The following GTF3C1 variants were observed in gnomAD, a reference collection of about 807,000 sequenced individuals.
GTF3C1 encodes the protein general transcription factor IIIC subunit 1, also known as general transcription factor 3C polypeptide 1.
A neutral mutation model predicts 226.7 loss-of-function variants in GTF3C1; 57 were observed. That is an observed-to-expected ratio of 0.25 (90% CI 0.20 to 0.31). The LOEUF is 0.31. Among genes scored for constraint, GTF3C1 ranks in the 10% least tolerant of loss-of-function variants. The probability of loss-of-function intolerance (pLI) is 1.00; values close to 1 mark genes in which losing one functional copy is unlikely to be tolerated. For missense variants in GTF3C1, 2,217 were observed against 2,776.1 expected, an observed-to-expected ratio of 0.80 and a Z score of 4.53; for synonymous variants, 1,090 against 1,084.8, an observed-to-expected ratio of 1.00 and a Z score of -0.09.
rs771839131 is a variant in GTF3C1 at position 27,489,710 on chromosome 16, C to G, written c.3185G>C (p.Ser1062Thr). The change falls in exon 20 of 37, where the codon AGC (serine) becomes ACC (threonine). Residue 1062 changes from serine to threonine, a missense_variant. Around this residue, in one of 12 missense-constraint regions of GTF3C1, gnomAD observed 353 missense variants for 411.7 expected, o/e 0.86. Coordinates refer to ENST00000356183, the MANE Select transcript of GTF3C1 (RefSeq NM_001520.4). ...CTCGTCGCTGCCCTGGTCTGTGCTG[C>G]TGTTCTTCCTGACGCGCGGGCAGCG... ...VVRCPRVRKN[S>T]STDQGSDEEG... 3.1e-5 allele frequency: 50 copies of G among 1,612,038 alleles called. No homozygotes were observed. In the South Asian group the frequency reaches 5.5e-4, roughly 18 times the overall value.
At chr16:27,523,552 T>C (rs2088783587) in intron 6 of GTF3C1, among the ~76,000 whole-genome samples, 1 of 152,174 alleles carries the variant, frequency 6.6e-6, no homozygotes, top group Admixed American at 6.5e-5. Context: ...GAAAACTGCC[T>C]TCATCCCTTG....
At position 27,507,004 on chromosome 16, in the gene GTF3C1, C is replaced by T. The variant is rs148269085; in HGVS notation, c.1395G>A (p.Ser465=). The change falls in exon 9 of 37, where the codon TCG becomes TCA. Residue 465 remains serine (S), a synonymous_variant. Coordinates refer to ENST00000356183, the MANE Select transcript of GTF3C1 (RefSeq NM_001520.4). The surrounding 1 kb of genome is among the most constrained non-coding windows in gnomAD (Gnocchi z 4.9). ...AGGTGTCCTCGCCTTCAGGCAGAAG[C>T]GACTCCTCCTGCATAGACGCCAGGC... The part of the protein sequence containing the change: ...TVSLASMQEE[S]LLPEGEDTFL... 1.1e-4 allele frequency: 175 copies of T among 1,613,634 alleles called. No individual in the cohort carries two copies. Among genetic ancestry groups the T allele is most frequent in the East Asian group, 8.9e-4 (40 of 44,878 alleles).
Position 27,462,990 on chromosome 16 carries a change from C to A in GTF3C1, c.5925-504G>T, listed in dbSNP as rs1386578654. ...GGACCCAGAAGAGCTGGACACCAGGCTCTCATCGCTATGGCTGGGCCTTGG... is the reference window on the plus strand; with the variant it reads ...GGACCCAGAAGAGCTGGACACCAGGATCTCATCGCTATGGCTGGGCCTTGG... On this transcript the variant is annotated intron_variant, in intron 35 of 36. Transcript: ENST00000356183. This position sits in a 1 kb window ranked among gnomAD's most constrained non-coding sequence, Gnocchi z 4.5. The A allele has an allele frequency of 5.8e-6, 1 of 173,032 alleles. No homozygotes were observed. Among genetic ancestry groups the A allele is most frequent in the Non-Finnish European group, 1.2e-5 (1 of 81,036 alleles). 10.7% of individuals were successfully genotyped at this position (173,032 alleles called of 1,614,324 possible). A position where few individuals can be genotyped will look rare whatever the true frequency, so the allele number is the denominator to read the frequency against.
chr16:27,505,987 T>G lies in GTF3C1; in HGVS notation c.1682A>C (p.Glu561Ala). The change falls in exon 10 of 37, where the codon GAA (glutamate) becomes GCA (alanine). Residue 561 changes from glutamate to alanine, a missense_variant. Physicochemically the swap from Glu to Ala is moderately radical, Grantham distance 107 (BLOSUM62 -1). This residue lies in a region of GTF3C1 where 173 missense variants were observed against 207.2 expected (regional missense o/e 0.83). Transcript: ENST00000356183. The part of the protein sequence containing the change: ...DSLLDTSSVS[E>A]PNVSFVSHCA... Reference sequence around the variant, plus strand: ...GTGGGAGACAAAGGACACGTTGGGTTCTGAGACGCTGCTGGTATCTAAGAG... The same window carrying G: ...GTGGGAGACAAAGGACACGTTGGGTGCTGAGACGCTGCTGGTATCTAAGAG... 2 of 1,613,392 alleles carry G rather than the reference T, an allele frequency of 1.2e-6. No individual in the cohort carries two copies. Among genetic ancestry groups the G allele is most frequent in the Non-Finnish European group, 1.7e-6 (2 of 1,179,276 alleles).
chr16:27,500,243 G>A lies in GTF3C1; in HGVS notation c.2061+948C>T, dbSNP rs537547041. Among the ~76,000 whole-genome samples the A allele has an allele frequency of 7.9e-5, 12 of 152,272 alleles. No individual in the cohort carries two copies. In the East Asian group the frequency reaches 2.3e-3, roughly 29 times the overall value. ...GCCTTCTCTGAGGGAGGTCAGCACA[G>A]GAACACACTGCCACTGCTCAGGGAA... is the stretch of plus-strand genomic sequence containing the variant. On this transcript the variant is annotated intron_variant, in intron 12 of 36. Coordinates refer to ENST00000356183, the MANE Select transcript of GTF3C1 (RefSeq NM_001520.4).
rs1681589273 is a variant in GTF3C1, at chr16:27,502,774, T to C, written c.1907+85A>G. On this transcript the variant is annotated intron_variant, in intron 11 of 36. Coordinates refer to ENST00000356183, the MANE Select transcript of GTF3C1 (RefSeq NM_001520.4). ...GGACAGAGATTTGAATGCCCCTCAG[T>C]GGTGTCCATGGCTTGTGATGACCAA... is the stretch of plus-strand genomic sequence containing the variant. 6 of 1,370,536 alleles carry C rather than the reference T, an allele frequency of 4.4e-6. No homozygotes were observed. The Admixed American group carries it at 1.2e-4, about 27-fold the overall frequency. 84.9% of individuals were successfully genotyped at this position (1,370,536 alleles called of 1,614,324 possible).
At chr16:27,497,263 A>G (rs1023099568) in intron 14 of GTF3C1, among the ~76,000 whole-genome samples, 2 of 152,244 alleles carry the variant, frequency 1.3e-5, no homozygotes, top group Non-Finnish European at 2.9e-5. Context: ...CAGACTCATC[A>G]ATGACTGTGC....
chr16:27,541,753 G>T (rs7204957), intron 2 of GTF3C1, among the ~76,000 whole-genome samples: 32 of 152,196 alleles, frequency 2.1e-4, no homozygotes, highest in African/African-American at 7.5e-4. Flanking sequence ...GAAGTGCAGT[G>T]CAGAGTGAAG....
At chr16:27,538,959 T>C (rs975134179) in intron 2 of GTF3C1, among the ~76,000 whole-genome samples, 9 of 140,028 alleles carry the variant, frequency 6.4e-5, no homozygotes, top group Admixed American at 4.2e-4. Flanking sequence ...AATGACTATA[T>C]ATACACACAT....
In GTF3C1 at chr16:27,519,483, C is replaced by T. The variant is rs142781472; in HGVS notation, c.974-7582G>A. 2.0e-3 allele frequency among the ~76,000 whole-genome samples: 311 copies of T among 152,214 alleles called. 3 individuals carry two copies. Among genetic ancestry groups the T allele is most frequent in the African/African-American group, 6.6e-3 (275 of 41,536 alleles). ...TGTCCTAGGCTGGTTTTACCTTTAG[C>T]CAGTGTCCCAGCCAGGCTCAGGCCC... is the stretch of plus-strand genomic sequence containing the variant. On this transcript the variant is annotated intron_variant, in intron 6 of 36. Coordinates refer to ENST00000356183, the MANE Select transcript of GTF3C1 (RefSeq NM_001520.4).
intron 5 of GTF3C1, among the ~76,000 whole-genome samples, chr16:27,530,269 A>C (rs576535874): frequency 8.4e-4 from 128 of 152,312 alleles, no homozygotes; most frequent in African/African-American, 2.9e-3. Flanking sequence ...GGCTCATTCA[A>C]AGCCACTGGC....
chr16:27,539,316 A>G lies in GTF3C1; in HGVS notation c.432-960T>C, dbSNP rs563976555. ...TCCTTCCTCTAAATTGACATGTGAG[A>G]AAGAATGCACCAAAAGAGGCCAAAA... On this transcript the variant is annotated intron_variant, in intron 2 of 36. Coordinates refer to ENST00000356183, the MANE Select transcript of GTF3C1 (RefSeq NM_001520.4). 2.6e-5 allele frequency among the ~76,000 whole-genome samples: 4 copies of G among 152,336 alleles called. No homozygotes were observed. In the East Asian group the frequency reaches 7.7e-4, roughly 29 times the overall value.
Position 27,463,771 on chromosome 16 carries a change from G to A in GTF3C1, c.5873-179C>T, listed in dbSNP as rs373947806. On this transcript the variant is annotated intron_variant, in intron 34 of 36. Transcript: ENST00000356183. The surrounding 1 kb of genome is among the most constrained non-coding windows in gnomAD (Gnocchi z 4.9). ...CGGCCACCCTGGAGGTGGCAGGGCC[G>A]GGCAGACTGCCGCACACAGCGCCAC... The A allele has an allele frequency of 1.1e-4, 74 of 646,152 alleles. 1 individual carries two copies. The highest frequency in any genetic ancestry group is 5.2e-4 in the Admixed American group (19 of 36,448). The allele number at this position is 646,152 out of a possible 1,614,324, so 40.0% of individuals were successfully genotyped here. A position where few individuals can be genotyped will look rare whatever the true frequency, so the allele number is the denominator to read the frequency against.
chr16:27,548,740 C>T (rs1051504685), intron 1 of GTF3C1, among the ~76,000 whole-genome samples: 2 of 152,176 alleles, frequency 1.3e-5, no homozygotes, highest in Admixed American at 6.5e-5. Context: ...AAAATGAGGA[C>T]GATAACAGCA....
chr16:27,486,630 T>TC (rs2088144239), intron 23 of GTF3C1, among the ~76,000 whole-genome samples: 1 of 152,092 alleles, frequency 6.6e-6, no homozygotes, highest in Non-Finnish European at 1.5e-5. Context: ...AGGCCTCTGC[T>TC]CCAGGGCCAT....
intron 27 of GTF3C1, 181 bp from the exon 28 acceptor site, chr16:27,478,712 TTA>T: frequency 1.7e-6 from 1 of 603,762 alleles, no homozygotes; most frequent in Non-Finnish European, 3.0e-6. Context: ...GTCCTGCCTG[TTA>T]TAAAAAGGAG....
At chr16:27,522,659 C>T (rs1463702328) in intron 6 of GTF3C1, among the ~76,000 whole-genome samples, 1 of 152,192 alleles carries the variant, frequency 6.6e-6, no homozygotes, top group Non-Finnish European at 1.5e-5. Context: ...GATTCTCACA[C>T]GGACTGTGTG....
chr16:27,486,611 G>A (rs1304264461), intron 23 of GTF3C1, among the ~76,000 whole-genome samples: 1 of 152,144 alleles, frequency 6.6e-6, no homozygotes, highest in Non-Finnish European at 1.5e-5. Flanking sequence ...AGTGCATCTG[G>A]GGACAATAAG....
At chr16:27,489,452 G>C in intron 20 of GTF3C1, 150 bp downstream of exon 20, 1 of 637,110 alleles carries the variant, frequency 1.6e-6, no homozygotes, top group Non-Finnish European at 2.7e-6. Context: ...GCTAAATAAA[G>C]TATGTCTGGA....
Sources: gnomAD v4.1 joint callset for allele counts (sites outside exome capture counted in the v4.1 genomes callset) on GRCh38, gnomAD v4.1.1 for gene constraint, gnomAD v4.1.1 regional missense constraint, Gnocchi (gnomAD v3.1) non-coding constraint, MANE v1.5 for transcripts, NCBI Gene and HGNC (gene_info 2026-07-23, HGNC 2026-07-21) for gene names.